The following TBL1X variants were observed in gnomAD, a reference collection of about 807,000 sequenced individuals.
TBL1X encodes the protein transducin beta like 1 X-linked.
Under a neutral mutation model 50.7 loss-of-function variants are expected in TBL1X, and 10 were observed. The ratio of observed to expected loss-of-function variants is 0.20; its 90% CI spans 0.12 to 0.33. TBL1X has a LOEUF of 0.33. TBL1X is among the 10% of genes least tolerant of loss of function. The probability of loss-of-function intolerance (pLI) is 1.00; values close to 1 mark genes in which losing one functional copy is unlikely to be tolerated. For synonymous variants in TBL1X, 190 were observed against 214.7 expected, an observed-to-expected ratio of 0.88 and a Z score of 1.01; for missense variants, 340 against 504.4, an observed-to-expected ratio of 0.67 and a Z score of 3.12.
chrX:9,677,720 A>G (rs2146622772), intron 5 of TBL1X, among the ~76,000 whole-genome samples: 1 of 111,915 alleles, frequency 8.9e-6, no homozygotes, highest in African/African-American at 3.2e-5. Flanking sequence ...TTCCTTGGGA[A>G]CTGAGTAATA....
At chrX:9,654,467 G>A in intron 5 of TBL1X, 145 bp downstream of exon 5, 1 of 639,362 alleles carries the variant, frequency 1.6e-6, no homozygotes. Context: ...AGAAGAGAAG[G>A]TTCTGGAGCT....
upstream of TBL1X, among the ~76,000 whole-genome samples, chrX:9,464,516 C>T (rs1489327469): frequency 9.1e-6 from 1 of 109,633 alleles, no homozygotes; most frequent in Non-Finnish European, 1.9e-5. Flanking sequence ...GATTCACCAT[C>T]GGGCAGGTGG....
intron 2 of TBL1X, among the ~76,000 whole-genome samples, chrX:9,554,888 A>G (rs1311333243): frequency 9.0e-6 from 1 of 111,422 alleles, no homozygotes; most frequent in Non-Finnish European, 1.9e-5. Flanking sequence ...CGTCCCTGTA[A>G]CCATTAGCAG....
chrX:9,693,462 T>A, intron 11 of TBL1X, 43 bp downstream of exon 11: 1 of 1,092,366 alleles, frequency 9.2e-7, no homozygotes, highest in South Asian at 2.0e-5. Flanking sequence ...CTATAGGTGG[T>A]TATATATTTT....
At chrX:9,599,871 A>G (rs1324406220) in intron 2 of TBL1X, among the ~76,000 whole-genome samples, 1 of 112,125 alleles carries the variant, frequency 8.9e-6, no homozygotes, top group African/African-American at 3.2e-5. Flanking sequence ...ATACCAGGAA[A>G]CTTCTTTTTG....
At chrX:9,582,279 C>A (rs1168990451) in intron 2 of TBL1X, among the ~76,000 whole-genome samples, 2 of 111,944 alleles carry the variant, frequency 1.8e-5, no homozygotes, top group Non-Finnish European at 3.8e-5. Context: ...TTGGACTTAG[C>A]CCATGTTACA....
chrX:9,604,227 G>T (rs1018358487), intron 2 of TBL1X, among the ~76,000 whole-genome samples: 3 of 111,747 alleles, frequency 2.7e-5, no homozygotes, highest in Non-Finnish European at 3.8e-5. Flanking sequence ...GGTGGCCAAA[G>T]AAATTCTTTG....
chrX:9,482,842 C>A (rs1442044996), intron 1 of TBL1X, among the ~76,000 whole-genome samples: 2 of 111,565 alleles, frequency 1.8e-5, no homozygotes, highest in African/African-American at 6.5e-5. Context: ...CACCCCCCAT[C>A]TTGCCTTTCT....
chrX:9,581,492 C>A (rs763055559), intron 2 of TBL1X, among the ~76,000 whole-genome samples: 2 of 111,232 alleles, frequency 1.8e-5, no homozygotes, highest in South Asian at 7.8e-4. Flanking sequence ...TCCGCAACTG[C>A]CAGGGGACAT....
chrX:9,687,746 T>C (rs1235262576), intron 6 of TBL1X, among the ~76,000 whole-genome samples: 10 of 106,714 alleles, frequency 9.4e-5, no homozygotes, highest in African/African-American at 3.4e-4. Context: ...AATGGCCTTT[T>C]TGTCCTCAAT....
intron 2 of TBL1X, among the ~76,000 whole-genome samples, chrX:9,538,774 A>G (rs1033998373): frequency 1.8e-5 from 2 of 112,685 alleles, no homozygotes; most frequent in African/African-American, 6.5e-5. Context: ...CCGTTCTCTG[A>G]TGAGCCTGAA....
intron 1 of TBL1X, among the ~76,000 whole-genome samples, chrX:9,492,891 GTGT>G (rs869259454): frequency 0.16 from 4,416 of 28,368 alleles, 349 homozygotes; most frequent in Admixed American, 0.18. Context: ...GTGTGTGTGT[GTGT>G]GTGTAGGGGA....
In TBL1X at chrX:9,697,438, TTTGTTG is replaced by T. The variant is rs747238686; in HGVS notation, c.1114+24_1114+29del. 1.7e-6 allele frequency: 2 copies of T among 1,206,561 alleles called. No individual in the cohort carries two copies. The highest frequency in any genetic ancestry group is 2.2e-6 in the Non-Finnish European group (2 of 894,067). Reference sequence around the variant, plus strand: ...GTTTCCTTTTCATTCAGGTGAGTTTTTTGTTGTTGTTGTTGTTGTTTGTTTTTTTGT... The same window carrying T: ...GTTTCCTTTTCATTCAGGTGAGTTTTTTGTTGTTGTTGTTTGTTTTTTTGT... On this transcript the variant is annotated intron_variant, in intron 12 of 17. Coordinates refer to ENST00000645353, the MANE Select transcript of TBL1X (RefSeq NM_005647.4).
At chrX:9,564,643 G>T (rs1180510516) in intron 2 of TBL1X, among the ~76,000 whole-genome samples, 1 of 110,367 alleles carries the variant, frequency 9.1e-6, no homozygotes, top group Admixed American at 9.6e-5. Context: ...TGAGGCAGGA[G>T]AATCGCTTGA....
At chrX:9,646,766 G>A (rs2082806912) in intron 3 of TBL1X, among the ~76,000 whole-genome samples, 2 of 112,278 alleles carry the variant, frequency 1.8e-5, no homozygotes, top group South Asian at 7.3e-4. Context: ...GGCTGCTTTA[G>A]AAGATCTTTA....
chrX:9,508,865 C>T (rs776674247), intron 2 of TBL1X, among the ~76,000 whole-genome samples: 158 of 110,318 alleles, frequency 1.4e-3, no homozygotes, highest in African/African-American at 5.1e-3. Flanking sequence ...TATTCTCACT[C>T]ATAAGGGGGA....
intron 1 of TBL1X, among the ~76,000 whole-genome samples, chrX:9,490,772 G>A (rs965333340): frequency 2.7e-5 from 3 of 111,767 alleles, no homozygotes; most frequent in Non-Finnish European, 5.6e-5. Context: ...TGCTCATATT[G>A]TATTAATTCT....
chrX:9,564,459 C>T (rs1014775938), intron 2 of TBL1X, among the ~76,000 whole-genome samples: 3 of 110,902 alleles, frequency 2.7e-5, no homozygotes, highest in Admixed American at 1.9e-4. Context: ...GGAGGCCAGG[C>T]GAGATGGCTC....
intron 1 of TBL1X, among the ~76,000 whole-genome samples, chrX:9,470,347 G>A (rs757580038): frequency 8.9e-6 from 1 of 112,216 alleles, no homozygotes; most frequent in East Asian, 2.8e-4. Context: ...ATCTCCGCCC[G>A]CAAGTTCAAG....
Sources: gnomAD v4.1 joint callset for allele counts (sites outside exome capture counted in the v4.1 genomes callset) on GRCh38, gnomAD v4.1.1 for gene constraint, MANE v1.5 for transcripts, NCBI Gene and HGNC (gene_info 2026-07-23, HGNC 2026-07-21) for gene names.